The following FHIT variants were observed in gnomAD, a reference collection of about 807,000 sequenced individuals.
FHIT encodes fragile histidine triad diadenosine triphosphatase.
A neutral mutation model predicts 17.9 loss-of-function variants in FHIT; 19 were observed. The observed-to-expected ratio is 1.06, with a 90% CI of 0.74 to 1.56. The LOEUF (loss-of-function observed/expected upper bound fraction) is 1.56, where lower values mean the gene tolerates loss of function less well. FHIT is among the 40% of genes most tolerant of loss of function. FHIT has a pLI of 0.00. For missense variants in FHIT, 248 were observed against 189.2 expected (o/e 1.31, Z -1.82); for synonymous variants, 81 against 69.7 (o/e 1.16, Z -0.81).
chr3:60,227,740 C>T (rs901424218), intron 5 of FHIT, among the ~76,000 whole-genome samples: 1 of 152,110 alleles, frequency 6.6e-6, no homozygotes, highest in Non-Finnish European at 1.5e-5. Context: ...GAGCCATTTA[C>T]GGTCTCTAAG....
intron 3 of FHIT, among the ~76,000 whole-genome samples, chr3:60,923,320 G>C (rs1553768872): frequency 6.6e-6 from 1 of 152,148 alleles, no homozygotes; most frequent in East Asian, 1.9e-4. Flanking sequence ...TGCTAAACAT[G>C]ACACTGCCAT....
chr3:59,939,509 G>T (rs1268580759), intron 7 of FHIT, among the ~76,000 whole-genome samples: 1 of 152,160 alleles, frequency 6.6e-6, no homozygotes, highest in Non-Finnish European at 1.5e-5. Flanking sequence ...GGCGCAGGAG[G>T]TGAGGTGAGG....
intron 8 of FHIT, among the ~76,000 whole-genome samples, chr3:59,837,860 G>T (rs1559649118): frequency 6.6e-6 from 1 of 152,018 alleles, no homozygotes; most frequent in African/African-American, 2.4e-5. Context: ...TGGGGGGGTG[G>T]TGTGGGAATA....
At chr3:60,174,647 T>C (rs1237085068) in intron 5 of FHIT, among the ~76,000 whole-genome samples, 2 of 152,098 alleles carry the variant, frequency 1.3e-5, no homozygotes, top group Non-Finnish European at 2.9e-5. Flanking sequence ...ATGCTTTTTT[T>C]TTTCAAGCTC....
At chr3:60,968,127 G>C (rs187693482) in intron 3 of FHIT, among the ~76,000 whole-genome samples, 4 of 152,318 alleles carry the variant, frequency 2.6e-5, no homozygotes, top group East Asian at 1.9e-4. Context: ...CCCGAGTTGA[G>C]AGCAGAAATG....
intron 8 of FHIT, among the ~76,000 whole-genome samples, chr3:59,795,168 T>C (rs1699727108): frequency 6.6e-6 from 1 of 152,098 alleles, no homozygotes; most frequent in Non-Finnish European, 1.5e-5. Context: ...TGCGGATTAC[T>C]TGAGGTCAGG....
intron 3 of FHIT, among the ~76,000 whole-genome samples, chr3:61,008,866 A>T (rs1434114719): frequency 1.3e-5 from 2 of 152,216 alleles, no homozygotes; most frequent in Non-Finnish European, 2.9e-5. Context: ...CACTTAGCAC[A>T]TGTTAAAAAA....
chr3:60,079,558 C>A (rs1009322298), intron 5 of FHIT, among the ~76,000 whole-genome samples: 1 of 152,080 alleles, frequency 6.6e-6, no homozygotes, highest in Non-Finnish European at 1.5e-5. Flanking sequence ...TTTCCCCTCT[C>A]TCCTTTTTGC....
intron 2 of FHIT, among the ~76,000 whole-genome samples, chr3:61,099,099 AAGG>A (rs1461516659): frequency 4.6e-5 from 7 of 152,182 alleles, no homozygotes; most frequent in African/African-American, 9.7e-5. Flanking sequence ...TTCCTCCAAT[AAGG>A]AGTTTAGTGA....
At chr3:61,051,083 C>T (rs972758868) in intron 2 of FHIT, among the ~76,000 whole-genome samples, 35 of 152,096 alleles carry the variant, frequency 2.3e-4, no homozygotes, top group African/African-American at 6.5e-4. Flanking sequence ...TCAATTATGA[C>T]ATATATCCCA....
Position 60,428,813 on chromosome 3 carries a change from T to C in FHIT, c.103+108047A>G, listed in dbSNP as rs560743712. On this transcript the variant is annotated intron_variant, in intron 5 of 9. Transcript: ENST00000492590. ...GATCTTCTTCTAGGACAGTTAGAAT[T>C]TTCTTACGGGAGAGAGGCAGATACT... 2.0e-5 allele frequency among the ~76,000 whole-genome samples: 3 copies of C among 152,230 alleles called. No individual in the cohort carries two copies. The East Asian group carries it at 5.8e-4, about 30-fold the overall frequency.
At chr3:60,604,734 A>T (rs2038554073) in intron 4 of FHIT, among the ~76,000 whole-genome samples, 1 of 152,194 alleles carries the variant, frequency 6.6e-6, no homozygotes, top group Non-Finnish European at 1.5e-5. Context: ...CCACAGGAAG[A>T]AAAAGATCTC....
At chr3:60,806,858 G>A (rs1701410868) in intron 4 of FHIT, among the ~76,000 whole-genome samples, 1 of 152,170 alleles carries the variant, frequency 6.6e-6, no homozygotes, top group African/African-American at 2.4e-5. Context: ...CAATCGCAAA[G>A]GTATCTCGTA....
chr3:60,021,610 G>A (rs1056170398), intron 5 of FHIT, among the ~76,000 whole-genome samples: 1 of 152,104 alleles, frequency 6.6e-6, no homozygotes, highest in African/African-American at 2.4e-5. Flanking sequence ...GCCTAGTATG[G>A]TCTAGTGATA....
chr3:60,061,850 G>A (rs538374556), intron 5 of FHIT, among the ~76,000 whole-genome samples: 10 of 152,296 alleles, frequency 6.6e-5, no homozygotes, highest in South Asian at 6.2e-4. Context: ...TTTATGACAC[G>A]AGAGATGAAT....
At chr3:60,074,040 A>C (rs1702898576) in intron 5 of FHIT, among the ~76,000 whole-genome samples, 1 of 152,108 alleles carries the variant, frequency 6.6e-6, no homozygotes, top group Non-Finnish European at 1.5e-5. Flanking sequence ...CAGGGGCTTA[A>C]AATGTCATGT....
intron 4 of FHIT, among the ~76,000 whole-genome samples, chr3:60,652,065 G>A (rs912893165): frequency 7.2e-5 from 11 of 152,152 alleles, no homozygotes; most frequent in East Asian, 3.9e-4. Flanking sequence ...AAGGGATTGC[G>A]GCAAAGGAGG....
At chr3:61,181,403 A>G (rs184923000) in intron 2 of FHIT, among the ~76,000 whole-genome samples, 91 of 152,326 alleles carry the variant, frequency 6.0e-4, no homozygotes, top group Non-Finnish European at 1.0e-3. Context: ...GGAAAAGACA[A>G]TACAACAGAC....
At chr3:59,968,539 C>G (rs1402963286) in intron 7 of FHIT, among the ~76,000 whole-genome samples, 1 of 152,122 alleles carries the variant, frequency 6.6e-6, no homozygotes, top group Non-Finnish European at 1.5e-5. Flanking sequence ...AAACCTTCAT[C>G]TCCCGATTCC....
Sources: allele counts gnomAD v4.1 joint callset (sites outside exome capture counted in the v4.1 genomes callset), GRCh38; gene constraint gnomAD v4.1.1; transcripts MANE v1.5; gene names NCBI Gene and HGNC (gene_info 2026-07-23, HGNC 2026-07-21).